Variants in CSMD1 observed in about 807,000 individuals in gnomAD.
CSMD1 encodes the protein CUB and sushi domain-containing protein 1.
In CSMD1, 213 loss-of-function variants were observed where a neutral mutation model predicts 417.5. That is an observed-to-expected ratio of 0.51 (90% CI 0.46 to 0.57). The LOEUF (loss-of-function observed/expected upper bound fraction) is 0.57. CSMD1 is among the 20% of genes least tolerant of loss of function. The pLI is 0.00. For synonymous variants in CSMD1, 2,862 were observed against 1,736.8 expected (o/e 1.65, Z -16.11); for missense variants, 6,923 against 4,529.7 (o/e 1.53, Z -15.17).
At chr8:4,961,440 C>A (rs1039428428) in intron 1 of CSMD1, among the ~76,000 whole-genome samples, 1 of 152,142 alleles carries the variant, frequency 6.6e-6, no homozygotes, top group Non-Finnish European at 1.5e-5. Context: ...GAAATGTCCT[C>A]TTCTAGTTGA....
In CSMD1 at chr8:3,558,743, C is replaced by A. The variant is rs183866590; in HGVS notation, c.1344+16202G>T. ...TCAGTAGTACCCCGTGTTCACTCCTCCAATGATGAATAGTGCCTCAATAGT... is the reference window on the plus strand; with the variant it reads ...TCAGTAGTACCCCGTGTTCACTCCTACAATGATGAATAGTGCCTCAATAGT... On this transcript the variant is annotated intron_variant, in intron 10 of 69. Coordinates refer to ENST00000635120, the MANE Select transcript of CSMD1 (RefSeq NM_033225.6). Among the ~76,000 whole-genome samples, 4 of 148,342 alleles carry A rather than the reference C, an allele frequency of 2.7e-5. No homozygotes were observed. The East Asian group carries it at 6.1e-4, about 23-fold the overall frequency.
chr8:4,480,811 T>C (rs1585144721), intron 2 of CSMD1, among the ~76,000 whole-genome samples: 2 of 152,340 alleles, frequency 1.3e-5, no homozygotes, highest in Admixed American at 1.3e-4. Context: ...CTGTGTTTCC[T>C]GAGGCCGACT....
intron 9 of CSMD1, among the ~76,000 whole-genome samples, chr8:3,585,832 C>A (rs185855706): frequency 1.2e-4 from 18 of 152,254 alleles, no homozygotes; most frequent in African/African-American, 4.1e-4. Context: ...AGCTGTGGGA[C>A]ATATATTCAC....
At chr8:3,292,544 GC>G (rs1803658007) in intron 25 of CSMD1, among the ~76,000 whole-genome samples, 1 of 152,190 alleles carries the variant, frequency 6.6e-6, no homozygotes, top group Non-Finnish European at 1.5e-5. Context: ...AGGAGAGCTA[GC>G]TTTTCTTGTT....
At chr8:4,739,050 T>A (rs981720795) in intron 1 of CSMD1, among the ~76,000 whole-genome samples, 5 of 152,180 alleles carry the variant, frequency 3.3e-5, no homozygotes, top group Non-Finnish European at 5.9e-5. Context: ...GAGTAACTGA[T>A]ATATTCTTTT....
intron 5 of CSMD1, among the ~76,000 whole-genome samples, chr8:3,989,202 G>A (rs965771568): frequency 3.3e-5 from 5 of 152,148 alleles, no homozygotes; most frequent in Non-Finnish European, 1.5e-5. Context: ...TCTCAGGGAT[G>A]TGGCAATCAC....
chr8:4,786,094 G>A (rs1797386961), intron 1 of CSMD1, among the ~76,000 whole-genome samples: 1 of 147,826 alleles, frequency 6.8e-6, no homozygotes, highest in Admixed American at 7.0e-5. Flanking sequence ...CTGTGCAGAT[G>A]TGTAAGACCA....
chr8:3,464,796 C>G (rs1033224147), intron 12 of CSMD1, among the ~76,000 whole-genome samples: 2 of 151,964 alleles, frequency 1.3e-5, no homozygotes, highest in Non-Finnish European at 2.9e-5. Context: ...GGCTTTTGAA[C>G]AGATTATTTT....
At chr8:4,150,000 G>A (rs1796483736) in intron 3 of CSMD1, among the ~76,000 whole-genome samples, 2 of 152,216 alleles carry the variant, frequency 1.3e-5, no homozygotes, top group African/African-American at 2.4e-5. Flanking sequence ...CAGAGAGACT[G>A]ATGGATGCCT....
intron 3 of CSMD1, among the ~76,000 whole-genome samples, chr8:4,273,862 G>T (rs940218016): frequency 3.9e-5 from 6 of 152,110 alleles, no homozygotes; most frequent in African/African-American, 1.4e-4. Flanking sequence ...TAACATACTT[G>T]CTGTGCTTAA....
At chr8:3,898,135 G>A (rs1451296031) in intron 5 of CSMD1, among the ~76,000 whole-genome samples, 3 of 152,118 alleles carry the variant, frequency 2.0e-5, no homozygotes, top group African/African-American at 7.2e-5. Context: ...GTTTCTACCA[G>A]CTGAGTCAAA....
intron 4 of CSMD1, among the ~76,000 whole-genome samples, chr8:4,005,748 T>A (rs1419799528): frequency 6.6e-6 from 1 of 152,194 alleles, no homozygotes; most frequent in Middle Eastern, 3.2e-3. Flanking sequence ...GGAAGTGAGT[T>A]ATTGTATACA....
chr8:3,377,024 G>T (rs1488686299), intron 18 of CSMD1, among the ~76,000 whole-genome samples: 6 of 152,132 alleles, frequency 3.9e-5, no homozygotes, highest in Non-Finnish European at 7.4e-5. Context: ...CTCTTTCTTT[G>T]TGGAGACAGA....
At chr8:4,778,675 T>A (rs1024915476) in intron 1 of CSMD1, among the ~76,000 whole-genome samples, 1 of 152,168 alleles carries the variant, frequency 6.6e-6, no homozygotes, top group Non-Finnish European at 1.5e-5. Flanking sequence ...CAAATACACC[T>A]GAGTAGCACT....
intron 7 of CSMD1, among the ~76,000 whole-genome samples, chr8:3,664,546 G>C (rs1321402033): frequency 1.3e-5 from 2 of 152,206 alleles, no homozygotes; most frequent in Non-Finnish European, 2.9e-5. Context: ...AAGAGCGTGA[G>C]TGTTTCCTCA....
chr8:3,275,702 T>A (rs1402729991), intron 26 of CSMD1, among the ~76,000 whole-genome samples: 1 of 152,350 alleles, frequency 6.6e-6, no homozygotes, highest in South Asian at 2.1e-4. Flanking sequence ...CTGATACCAT[T>A]TCTTCCAGTT....
intron 28 of CSMD1, among the ~76,000 whole-genome samples, chr8:3,221,472 T>G (rs1288575367): frequency 6.6e-6 from 1 of 152,160 alleles, no homozygotes; most frequent in Non-Finnish European, 1.5e-5. Context: ...ATATTTGGCT[T>G]AGTTAATTAT....
At chr8:4,082,658 C>T (rs903567062) in intron 3 of CSMD1, among the ~76,000 whole-genome samples, 4 of 152,022 alleles carry the variant, frequency 2.6e-5, no homozygotes, top group African/African-American at 9.6e-5. Context: ...TACATGTGCA[C>T]AATGTGCAGG....
chr8:4,661,882 T>G lies in CSMD1; in HGVS notation c.86-24324A>C, dbSNP rs548603887. Among the ~76,000 whole-genome samples, 9 of 152,310 alleles carry G rather than the reference T, an allele frequency of 5.9e-5. No individual in the cohort carries two copies. The South Asian group carries it at 1.0e-3, about 18-fold the overall frequency. ...ATCATGGAGATGAAGGACGGTAGCA[T>G]GCTGAGACAAGAATATACGTAAATC... On this transcript the variant is annotated intron_variant, in intron 1 of 69. Transcript: ENST00000635120.
Sources: gnomAD v4.1 joint callset for allele counts (sites outside exome capture counted in the v4.1 genomes callset) on GRCh38, gnomAD v4.1.1 for gene constraint, MANE v1.5 for transcripts, NCBI Gene and HGNC (gene_info 2026-07-23, HGNC 2026-07-21) for gene names.